FAM169A: variants seen among roughly 807,000 people sequenced by gnomAD.
FAM169A encodes family with sequence similarity 169 member A, also known as soluble lamin-associated protein of 75 kDa.
Under a neutral mutation model 75.7 loss-of-function variants are expected in FAM169A, and 24 were observed. The observed-to-expected ratio is 0.32, with a 90% CI of 0.23 to 0.45. The LOEUF (loss-of-function observed/expected upper bound fraction) is 0.45. Ranked by LOEUF, FAM169A falls within the 20% of genes least tolerant of loss-of-function variation. The pLI, the probability that FAM169A is intolerant of heterozygous loss-of-function variation, is 1.00. For missense variants in FAM169A, 673 were observed against 784.0 expected (o/e 0.86, Z 1.69); for synonymous variants, 271 against 271.0 (o/e 1.00, Z 0.00).
At chr5:74,837,927 G>C (rs1748652660) in intron 4 of FAM169A, among the ~76,000 whole-genome samples, 1 of 152,068 alleles carries the variant, frequency 6.6e-6, no homozygotes, top group East Asian at 1.9e-4. Context: ...AGACCAGCCT[G>C]ACCAACATGG....
intron 1 of FAM169A, among the ~76,000 whole-genome samples, chr5:74,850,816 C>G (rs1474739210): frequency 2.0e-5 from 3 of 151,892 alleles, no homozygotes; most frequent in African/African-American, 7.3e-5. Flanking sequence ...AGCTAAGATG[C>G]AAATAAATAA....
Position 74,814,137 on chromosome 5 carries a change from A to C in FAM169A, c.491-118T>G, listed in dbSNP as rs1677406273. Reference sequence around the variant, plus strand: ...TTTTCTTCTATATCAAAAAACGTTAAATATATAAATGTTATAATATAAAGT... The same window carrying C: ...TTTTCTTCTATATCAAAAAACGTTACATATATAAATGTTATAATATAAAGT... On this transcript the variant is annotated intron_variant, in intron 5 of 12. Transcript: ENST00000687041. The C allele has an allele frequency of 6.3e-6, 4 of 633,606 alleles. No homozygotes were observed. In the African/African-American group the frequency reaches 7.5e-5, roughly 12 times the overall value. 39.2% of individuals were successfully genotyped at this position (633,606 alleles called of 1,614,324 possible).
chr5:74,821,897 G>A (rs1747782643), intron 5 of FAM169A, among the ~76,000 whole-genome samples: 1 of 152,204 alleles, frequency 6.6e-6, no homozygotes, highest in African/African-American at 2.4e-5. Flanking sequence ...CTCCTACAGT[G>A]GGACAGTCTG....
In FAM169A at chr5:74,799,973, C is replaced by G. The variant is rs527711696; in HGVS notation, c.1103+907G>C. The G allele has an allele frequency of 1.3e-3, 1,029 of 806,376 alleles. 1 individual carries two copies. Among genetic ancestry groups the G allele is most frequent in the Non-Finnish European group, 1.8e-3 (828 of 449,898 alleles). 50.0% of individuals were successfully genotyped at this position (806,376 alleles called of 1,614,324 possible). A position where few individuals can be genotyped will look rare whatever the true frequency, so the allele number is the denominator to read the frequency against. ...TGAAGATGCTGCGCCAGAATAGCAT[C>G]ACTCAAGTCTCTATTTATGAGGTGG... On this transcript the variant is annotated intron_variant, in intron 10 of 12. Coordinates refer to ENST00000687041, the MANE Select transcript of FAM169A (RefSeq NM_001376049.1).
intron 5 of FAM169A, among the ~76,000 whole-genome samples, chr5:74,825,558 T>C (rs1370105982): frequency 6.6e-6 from 1 of 152,182 alleles, no homozygotes; most frequent in Non-Finnish European, 1.5e-5. Context: ...TGATTTTCTT[T>C]ATCTTAGGAG....
chr5:74,828,054 T>C (rs1164625), intron 5 of FAM169A, among the ~76,000 whole-genome samples: 1,716 of 152,278 alleles, frequency 0.011, 17 homozygotes, highest in Middle Eastern at 0.02. Context: ...CCTATTCCTA[T>C]TTTTTATTTT....
rs56653446 is a variant in FAM169A, at chr5:74,842,420, C to CAAAAAAAAAA, written c.-3-751_-3-742dup. On this transcript the variant is annotated intron_variant, in intron 1 of 12. Coordinates refer to ENST00000687041, the MANE Select transcript of FAM169A (RefSeq NM_001376049.1). Reference sequence around the variant, plus strand: ...TGGGTGAAAGAGTGAGACTCTATCACAAAAAAAAAAAAAAAAAAAAAAAAA... The same window carrying CAAAAAAAAAA: ...TGGGTGAAAGAGTGAGACTCTATCACAAAAAAAAAAAAAAAAAAAAAAAAAAAAAAAAAAA... Among the ~76,000 whole-genome samples the CAAAAAAAAAA allele has an allele frequency of 3.1e-4, 7 of 22,474 alleles. 1 individual carries two copies. The highest frequency in any genetic ancestry group is 2.3e-4 in the Non-Finnish European group (3 of 12,988). 14.7% of individuals were successfully genotyped at this position (22,474 alleles called of 152,430 possible).
At position 74,777,707 on chromosome 5, in the gene FAM169A, C is replaced by CT. The variant is rs1325200417; in HGVS notation, c.*3752dup. 2.0e-5 allele frequency: 3 copies of CT among 151,358 alleles called. No homozygotes were observed. The highest frequency in any genetic ancestry group is 4.4e-5 in the Non-Finnish European group (3 of 67,790). 9.4% of individuals were successfully genotyped at this position (151,358 alleles called of 1,614,324 possible). ...ATCTGAAACATCTTCATGAGGAAAA[C>CT]TGAAGGAAAGGAATTTAAAAACACA... On this transcript the variant is annotated 3_prime_UTR_variant, in exon 13 of 13. Coordinates refer to ENST00000687041, the MANE Select transcript of FAM169A (RefSeq NM_001376049.1).
chr5:74,793,778 C>T (rs1279873082), intron 11 of FAM169A, among the ~76,000 whole-genome samples: 1 of 151,992 alleles, frequency 6.6e-6, no homozygotes, highest in Non-Finnish European at 1.5e-5. Context: ...CCAAGGCGGG[C>T]GGATCACACG....
chr5:74,856,875 C>T (rs939240742), intron 1 of FAM169A, among the ~76,000 whole-genome samples: 4 of 151,094 alleles, frequency 2.6e-5, no homozygotes, highest in South Asian at 2.1e-4. Flanking sequence ...TTTTGGAGGC[C>T]GAGGTGGGCA....
At chr5:74,831,837 T>C (rs1393262753) in intron 5 of FAM169A, among the ~76,000 whole-genome samples, 1 of 152,124 alleles carries the variant, frequency 6.6e-6, no homozygotes, top group African/African-American at 2.4e-5. Flanking sequence ...GAACCAGCCA[T>C]CATAACTAAA....
intron 1 of FAM169A, among the ~76,000 whole-genome samples, chr5:74,857,567 C>A (rs560950328): frequency 4.7e-5 from 4 of 84,400 alleles, no homozygotes; most frequent in Non-Finnish European, 6.3e-5. Context: ...CAGACCTTGC[C>A]GCGGGAAAAA....
intron 1 of FAM169A, among the ~76,000 whole-genome samples, chr5:74,851,592 GAGAA>G (rs1749449384): frequency 6.6e-6 from 1 of 152,168 alleles, no homozygotes; most frequent in Non-Finnish European, 1.5e-5. Flanking sequence ...ATATTTAAGA[GAGAA>G]AGAAATAGAA....
intron 11 of FAM169A, 21 bp from the exon 12 acceptor site, chr5:74,783,155 GA>G: frequency 6.4e-7 from 1 of 1,553,160 alleles, no homozygotes; most frequent in Non-Finnish European, 8.8e-7. Context: ...AGGAGAGAGG[GA>G]AAAAGTAAGG....
At chr5:74,835,016 A>AAAG in intron 4 of FAM169A, among the ~76,000 whole-genome samples, 1 of 151,316 alleles carries the variant, frequency 6.6e-6, no homozygotes, top group African/African-American at 2.4e-5. Context: ...AAAAAAAAAA[A>AAAG]GGCAGCTTAG....
At chr5:74,800,581 A>G (rs546720691) in intron 10 of FAM169A, among the ~76,000 whole-genome samples, 1 of 152,176 alleles carries the variant, frequency 6.6e-6, no homozygotes, top group African/African-American at 2.4e-5. Flanking sequence ...AGCATTGTCA[A>G]GGCAACACTT....
At chr5:74,789,092 C>T (rs1405003298) in intron 11 of FAM169A, among the ~76,000 whole-genome samples, 1 of 152,232 alleles carries the variant, frequency 6.6e-6, no homozygotes, top group Non-Finnish European at 1.5e-5. Flanking sequence ...ACTATCCTAC[C>T]TCAGGGGTAT....
chr5:74,782,949 C>G lies in FAM169A; in HGVS notation c.1446G>C (p.Glu482Asp). 1 of 1,613,130 alleles carries G rather than the reference C, an allele frequency of 6.2e-7. No homozygotes were observed. Among genetic ancestry groups the G allele is most frequent in the Non-Finnish European group, 8.5e-7 (1 of 1,179,264 alleles). The change falls in exon 12 of 13, where the codon GAG (glutamate) becomes GAC (aspartate). Residue 482 changes from glutamate (E) to aspartate (D), a missense_variant. Physicochemically the swap from Glu to Asp is conservative, Grantham distance 45. Coordinates refer to ENST00000687041, the MANE Select transcript of FAM169A (RefSeq NM_001376049.1). ...CCCTTACCTTATCTGGTGCATCTACCTCAGGGGGTTTTGAAGATTCTACCA... is the reference window on the plus strand; with the variant it reads ...CCCTTACCTTATCTGGTGCATCTACGTCAGGGGGTTTTGAAGATTCTACCA... ...PLVVESSKPP[E>D]VDAPDKTPRI...
intron 11 of FAM169A, among the ~76,000 whole-genome samples, chr5:74,784,236 C>T (rs879565550): frequency 4.6e-5 from 7 of 151,226 alleles, no homozygotes; most frequent in Non-Finnish European, 1.0e-4. Flanking sequence ...AGAGTGTCCA[C>T]AATAAGGGGG....
Sources: gnomAD v4.1 joint callset for allele counts (sites outside exome capture counted in the v4.1 genomes callset) on GRCh38, gnomAD v4.1.1 for gene constraint, MANE v1.5 for transcripts, NCBI Gene and HGNC (gene_info 2026-07-23, HGNC 2026-07-21) for gene names.